GPR158: variants seen among roughly 807,000 people sequenced by gnomAD.
The protein encoded by GPR158 is G protein-coupled receptor 158.
Under a neutral mutation model 78.2 loss-of-function variants are expected in GPR158, and 30 were observed. The ratio of observed to expected loss-of-function variants is 0.38; its 90% confidence interval spans 0.29 to 0.52. The LOEUF is 0.52. GPR158 is among the 20% of genes least tolerant of loss of function. GPR158 has a pLI of 0.83. For synonymous variants in GPR158, 581 were observed against 591.1 expected (o/e 0.98, Z 0.25); for missense variants, 1,463 against 1,523.5 (o/e 0.96, Z 0.66).
At chr10:25,382,094 A>G (rs540778230) in intron 2 of GPR158, among the ~76,000 whole-genome samples, 6 of 152,330 alleles carry the variant, frequency 3.9e-5, no homozygotes, top group African/African-American at 1.2e-4. Flanking sequence ...GTTAGAGCAT[A>G]GATGCATCAT....
chr10:25,512,166 G>A lies in GPR158; in HGVS notation c.1405-38810G>A, dbSNP rs369622565. 8.5e-5 allele frequency among the ~76,000 whole-genome samples: 13 copies of A among 152,242 alleles called. No individual in the cohort carries two copies. The South Asian group carries it at 2.7e-3, about 32-fold the overall frequency. On this transcript the variant is annotated intron_variant, in intron 5 of 10. Transcript: ENST00000376351. Reference sequence around the variant, plus strand: ...CAATATTGATTCCACCAATCCATGAGCATGAATGTGTTTCCATTTGTTTGT... The same window carrying A: ...CAATATTGATTCCACCAATCCATGAACATGAATGTGTTTCCATTTGTTTGT...
intron 2 of GPR158, among the ~76,000 whole-genome samples, chr10:25,238,808 T>A (rs1451187155): frequency 6.6e-6 from 1 of 152,204 alleles, no homozygotes; most frequent in Non-Finnish European, 1.5e-5. Flanking sequence ...TGATCACATT[T>A]AGGTTTCTTG....
At chr10:25,310,988 G>A (rs925135082) in intron 2 of GPR158, among the ~76,000 whole-genome samples, 4 of 151,940 alleles carry the variant, frequency 2.6e-5, no homozygotes, top group African/African-American at 9.7e-5. Flanking sequence ...CCAGTAATCT[G>A]AGAGCTCGCC....
chr10:25,299,183 A>G (rs1854556857), intron 2 of GPR158, among the ~76,000 whole-genome samples: 1 of 152,216 alleles, frequency 6.6e-6, no homozygotes, highest in African/African-American at 2.4e-5. Flanking sequence ...TAAAATGATT[A>G]CTACAGTCAG....
chr10:25,175,766 G>A lies in GPR158; in HGVS notation c.346G>A (p.Ala116Thr). 1.2e-6 allele frequency: 2 copies of A among 1,611,228 alleles called. No homozygotes were observed. The highest frequency in any genetic ancestry group is 1.7e-6 in the Non-Finnish European group (2 of 1,179,930). ...CCTGCCGGGGAAGTGGCCAGCCCTG[G>A]CCAGCGCGCACCCCTCCTTGCACCG... ...AGLPGKWPALASAHPSLHRAL... is the reference protein window; with the variant it reads ...AGLPGKWPALTSAHPSLHRAL... Residue 116 changes from alanine to threonine, a missense_variant, in exon 1 of 11, where the codon GCC becomes ACC. By Grantham distance (58) the Ala-to-Thr change is moderately conservative. Transcript: ENST00000376351. The surrounding 1 kb of genome is among the most constrained non-coding windows in gnomAD (Gnocchi z 6.4).
intron 9 of GPR158, among the ~76,000 whole-genome samples, chr10:25,595,159 C>G (rs919698115): frequency 2.6e-5 from 4 of 152,042 alleles, no homozygotes; most frequent in Non-Finnish European, 5.9e-5. Flanking sequence ...ACAGCTGAAA[C>G]CAGAATTATG....
intron 5 of GPR158, among the ~76,000 whole-genome samples, chr10:25,516,446 A>G (rs1045495938): frequency 2.0e-5 from 3 of 151,924 alleles, no homozygotes; most frequent in Admixed American, 6.6e-5. Flanking sequence ...GTCCTTGCCC[A>G]TGCCTATGTC....
rs557803715 is a variant in GPR158 at position 25,346,586 on chromosome 10, C to A, written c.1009-49325C>A. On this transcript the variant is annotated intron_variant, in intron 2 of 10. Coordinates refer to ENST00000376351, the MANE Select transcript of GPR158 (RefSeq NM_020752.3). The stretch of plus-strand genomic sequence containing the variant: ...CCTTATAGATTTTCTGGGTCTTTTT[C>A]TAAGGTATTATTCCCATAGGACATT... Among the ~76,000 whole-genome samples, 203 of 151,962 alleles carry A rather than the reference C, an allele frequency of 1.3e-3. 1 individual carries two copies. Among genetic ancestry groups the A allele is most frequent in the Non-Finnish European group, 1.1e-3 (74 of 67,892 alleles).
Position 25,175,526 on chromosome 10 carries a change from C to G in GPR158, c.106C>G (p.Arg36Gly), listed in dbSNP as rs368107656. Residue 36 changes from arginine to glycine, a missense_variant, in exon 1 of 11, where the codon CGA (arginine) becomes GGA (glycine). Physicochemically the swap from Arg to Gly is moderately radical, Grantham distance 125. Transcript: ENST00000376351. The surrounding 1 kb of genome is among the most constrained non-coding windows in gnomAD (Gnocchi z 6.4). ...RDPQGRPDSP[R>G]ERTPKGKPHA... The stretch of plus-strand genomic sequence containing the variant: ...CCCCCAAGGACGGCCGGATTCCCCT[C>G]GAGAGAGGACCCCGAAGGGGAAGCC... 7 of 1,612,128 alleles carry G rather than the reference C, an allele frequency of 4.3e-6. No individual in the cohort carries two copies. Among genetic ancestry groups the G allele is most frequent in the East Asian group, 2.2e-5 (1 of 44,838 alleles).
intron 2 of GPR158, among the ~76,000 whole-genome samples, chr10:25,362,419 T>C (rs1855653773): frequency 1.3e-5 from 2 of 151,938 alleles, no homozygotes; most frequent in Non-Finnish European, 2.9e-5. Context: ...TCTTCAATAT[T>C]TTCTTGGCTA....
chr10:25,342,242 TTTA>T (rs1855313224), intron 2 of GPR158, among the ~76,000 whole-genome samples: 1 of 88,874 alleles, frequency 1.1e-5, no homozygotes, highest in African/African-American at 3.0e-5. Flanking sequence ...AGGGAACTGT[TTTA>T]TTTTTTTTTT....
At chr10:25,330,386 A>G (rs1298472930) in intron 2 of GPR158, among the ~76,000 whole-genome samples, 8 of 152,226 alleles carry the variant, frequency 5.3e-5, no homozygotes, top group Admixed American at 5.2e-4. Flanking sequence ...AAAATTTAGT[A>G]TAAGGGAACT....
chr10:25,357,991 A>C (rs34823294), intron 2 of GPR158, among the ~76,000 whole-genome samples: 16,941 of 152,124 alleles, frequency 0.11, 1,985 homozygotes, highest in African/African-American at 0.3. Flanking sequence ...ACCATGGGAA[A>C]CCAGCTCTTG....
At chr10:25,592,179 CTATG>C (rs1837350011) in intron 8 of GPR158, among the ~76,000 whole-genome samples, 1 of 151,790 alleles carries the variant, frequency 6.6e-6, no homozygotes, top group Non-Finnish European at 1.5e-5. Flanking sequence ...AAAATTATGT[CTATG>C]TATGTATATA....
chr10:25,543,949 A>C (rs1428288784), intron 5 of GPR158, among the ~76,000 whole-genome samples: 1 of 152,166 alleles, frequency 6.6e-6, no homozygotes, highest in Non-Finnish European at 1.5e-5. Context: ...GCTCTCAAAG[A>C]CTGTGGGAGA....
chr10:25,388,407 G>A (rs940440540), intron 2 of GPR158, among the ~76,000 whole-genome samples: 1 of 152,198 alleles, frequency 6.6e-6, no homozygotes, highest in Non-Finnish European at 1.5e-5. Context: ...CCCAGGCCCA[G>A]AGCCTCTGCT....
intron 2 of GPR158, among the ~76,000 whole-genome samples, chr10:25,340,604 G>T (rs1421829795): frequency 6.6e-6 from 1 of 152,056 alleles, no homozygotes; most frequent in Non-Finnish European, 1.5e-5. Flanking sequence ...ATGTTTAGAT[G>T]TAAGAGCGGA....
chr10:25,370,467 G>C (rs1833971045), intron 2 of GPR158, among the ~76,000 whole-genome samples: 1 of 70,074 alleles, frequency 1.4e-5, no homozygotes, highest in South Asian at 4.7e-4. Flanking sequence ...TTTCCATGTA[G>C]TTGAGTGGTT....
intron 2 of GPR158, among the ~76,000 whole-genome samples, chr10:25,297,134 T>C (rs753013303): frequency 1.3e-5 from 2 of 152,222 alleles, no homozygotes; most frequent in African/African-American, 4.8e-5. Flanking sequence ...GTTTGTTTAT[T>C]GTATGATGTA....
Sources: gnomAD v4.1 joint callset for allele counts (sites outside exome capture counted in the v4.1 genomes callset) on GRCh38, gnomAD v4.1.1 for gene constraint, Gnocchi (gnomAD v3.1) non-coding constraint, MANE v1.5 for transcripts, NCBI Gene and HGNC (gene_info 2026-07-23, HGNC 2026-07-21) for gene names.